ATP8A2: variants seen among roughly 807,000 people sequenced by gnomAD.
The protein encoded by ATP8A2 is phospholipid-transporting ATPase IB.
A neutral mutation model predicts 165.6 loss-of-function variants in ATP8A2; 100 were observed. The observed-to-expected ratio is 0.60, with a 90% confidence interval of 0.51 to 0.71. The LOEUF (loss-of-function observed/expected upper bound fraction) is 0.71, where lower values mean the gene tolerates loss of function less well. ATP8A2 is among the 30% of genes least tolerant of loss of function. ATP8A2 has a pLI of 0.00. For synonymous variants in ATP8A2, 543 were observed against 548.8 expected (o/e 0.99, Z 0.15); for missense variants, 1,227 against 1,479.5 (o/e 0.83, Z 2.80).
At chr13:25,575,782 C>T (rs2039599667) in intron 19 of ATP8A2, among the ~76,000 whole-genome samples, 1 of 151,964 alleles carries the variant, frequency 6.6e-6, no homozygotes, top group Non-Finnish European at 1.5e-5. Flanking sequence ...AGGTGAGCGA[C>T]GTGCTAGGCA....
At position 25,620,679 on chromosome 13, in the gene ATP8A2, CAT is replaced by C. The variant is rs368854815; in HGVS notation, c.2211+30983_2211+30984del. 4.5e-4 allele frequency among the ~76,000 whole-genome samples: 69 copies of C among 152,214 alleles called. No individual in the cohort carries two copies. The East Asian group carries it at 0.012, about 26-fold the overall frequency. ...TGAAATAGATATGTTTAAAAATCCTCATATTACCTTGGAAAATAATTTTCAAG... is the reference window on the plus strand; with the variant it reads ...TGAAATAGATATGTTTAAAAATCCTCATTACCTTGGAAAATAATTTTCAAG... On this transcript the variant is annotated intron_variant, in intron 24 of 36. Coordinates refer to ENST00000381655, the MANE Select transcript of ATP8A2 (RefSeq NM_016529.6).
At chr13:25,841,975 C>T (rs1054791892) in intron 30 of ATP8A2, among the ~76,000 whole-genome samples, 2 of 152,046 alleles carry the variant, frequency 1.3e-5, no homozygotes, top group Non-Finnish European at 2.9e-5. Flanking sequence ...ATGAGGGTGG[C>T]GCCCCCATGA....
rs2042652941 is a variant in ATP8A2, at chr13:25,688,489, T to TA, written c.2212-10683dup. 2.6e-5 allele frequency among the ~76,000 whole-genome samples: 4 copies of TA among 152,354 alleles called. No homozygotes were observed. In the South Asian group the frequency reaches 8.3e-4, roughly 32 times the overall value. ...TGAGATGTTTTCTACATTTTTTGCT[T>TA]ATTTTTTTCACTTACTGATTTTTAA... On this transcript the variant is annotated intron_variant, in intron 24 of 36. Transcript: ENST00000381655.
At chr13:25,831,631 T>C (rs1472672070) in intron 28 of ATP8A2, among the ~76,000 whole-genome samples, 3 of 152,060 alleles carry the variant, frequency 2.0e-5, no homozygotes, top group Middle Eastern at 3.4e-3. Flanking sequence ...TCACCTGAGG[T>C]CAAGAGTTCG....
chr13:26,014,032 G>C (rs905368413), intron 36 of ATP8A2, among the ~76,000 whole-genome samples: 1 of 152,194 alleles, frequency 6.6e-6, no homozygotes, highest in Non-Finnish European at 1.5e-5. Flanking sequence ...CATGCCATGA[G>C]GTCTGGATTG....
intron 2 of ATP8A2, among the ~76,000 whole-genome samples, chr13:25,481,641 T>C (rs144670844): frequency 7.2e-4 from 109 of 152,282 alleles, no homozygotes; most frequent in African/African-American, 2.6e-3. Context: ...GCAAAATACA[T>C]AGACTGCGGG....
chr13:25,622,534 T>A (rs903964109), intron 24 of ATP8A2, among the ~76,000 whole-genome samples: 38 of 152,264 alleles, frequency 2.5e-4, no homozygotes, highest in African/African-American at 7.9e-4. Flanking sequence ...GAAACAGAAA[T>A]GTTTATACAG....
intron 2 of ATP8A2, among the ~76,000 whole-genome samples, chr13:25,506,558 T>C (rs2037042896): frequency 6.6e-6 from 1 of 152,188 alleles, no homozygotes; most frequent in African/African-American, 2.4e-5. Flanking sequence ...GAAACATTCA[T>C]GAGATAGAGT....
intron 24 of ATP8A2, among the ~76,000 whole-genome samples, chr13:25,671,064 C>T (rs906676098): frequency 3.6e-4 from 55 of 152,260 alleles, no homozygotes; most frequent in Non-Finnish European, 4.7e-4. Context: ...GGCAGAAGAA[C>T]GTGGATTGTG....
At chr13:25,672,828 G>A (rs1424605470) in intron 24 of ATP8A2, among the ~76,000 whole-genome samples, 2 of 152,140 alleles carry the variant, frequency 1.3e-5, no homozygotes, top group South Asian at 2.1e-4. Context: ...AACATTTTAA[G>A]ACTGTGAACA....
chr13:25,870,248 A>G (rs1952638033), intron 33 of ATP8A2, among the ~76,000 whole-genome samples: 1 of 152,152 alleles, frequency 6.6e-6, no homozygotes, highest in Non-Finnish European at 1.5e-5. Flanking sequence ...CTCAACGTCC[A>G]GCCACCTCTG....
Position 25,650,793 on chromosome 13 carries a change from T to A in ATP8A2, c.2212-48380T>A, listed in dbSNP as rs2041793581. ...TAATCTTTTGATTTGTGAACTACAT[T>A]CAATAATTTCCCAATGTTAAACCAA... On this transcript the variant is annotated intron_variant, in intron 24 of 36. Transcript: ENST00000381655. Among the ~76,000 whole-genome samples the A allele has an allele frequency of 2.0e-5, 3 of 152,326 alleles. No individual in the cohort carries two copies. In the South Asian group the frequency reaches 6.2e-4, roughly 32 times the overall value.
chr13:25,501,313 T>C (rs888821397), intron 2 of ATP8A2, among the ~76,000 whole-genome samples: 1 of 152,118 alleles, frequency 6.6e-6, no homozygotes, highest in Non-Finnish European at 1.5e-5. Context: ...GCCTTCCCTC[T>C]GGTTTCCATG....
intron 4 of ATP8A2, among the ~76,000 whole-genome samples, chr13:25,530,881 T>G (rs1254729078): frequency 6.6e-6 from 1 of 152,042 alleles, no homozygotes; most frequent in Admixed American, 6.6e-5. Context: ...AAATATTAGG[T>G]CTCTGGAGCC....
intron 36 of ATP8A2, among the ~76,000 whole-genome samples, chr13:26,017,778 A>G (rs1003470839): frequency 6.6e-6 from 1 of 152,202 alleles, no homozygotes; most frequent in Non-Finnish European, 1.5e-5. Flanking sequence ...TGGCACAAGC[A>G]TATCCGCCCC....
At chr13:25,882,894 AGATGATGATGATGATGATGAT>A (rs3837558) in intron 33 of ATP8A2, among the ~76,000 whole-genome samples, 5 of 147,354 alleles carry the variant, frequency 3.4e-5, no homozygotes, top group African/African-American at 7.5e-5. Flanking sequence ...CCTGTGCCTG[AGATGATGATGATGATGATGAT>A]GATGATGATG....
intron 24 of ATP8A2, among the ~76,000 whole-genome samples, chr13:25,680,770 G>C (rs1305893545): frequency 6.6e-6 from 1 of 152,202 alleles, no homozygotes; most frequent in African/African-American, 2.4e-5. Context: ...TTGCCATCAA[G>C]GTGCCCTCTA....
At chr13:25,963,634 T>C (rs1156497070) in intron 34 of ATP8A2, among the ~76,000 whole-genome samples, 1 of 152,222 alleles carries the variant, frequency 6.6e-6, no homozygotes, top group Non-Finnish European at 1.5e-5. Context: ...TTAGTTTATT[T>C]TAATTCAGCT....
chr13:25,442,001 C>T (rs2034943338), intron 1 of ATP8A2, among the ~76,000 whole-genome samples: 2 of 152,192 alleles, frequency 1.3e-5, no homozygotes, highest in African/African-American at 2.4e-5. Flanking sequence ...AGTGGAATCA[C>T]TTTTTGCTTA....
Sources: gnomAD v4.1 joint callset for allele counts (sites outside exome capture counted in the v4.1 genomes callset) on GRCh38, gnomAD v4.1.1 for gene constraint, MANE v1.5 for transcripts, NCBI Gene and HGNC (gene_info 2026-07-23, HGNC 2026-07-21) for gene names.